DOK6: variants seen among roughly 807,000 people sequenced by gnomAD.
DOK6 encodes the protein docking protein 6, also known as downstream of tyrosine kinase 6.
DOK6 carries 22 observed loss-of-function variants against 44.0 expected under a neutral mutation model. The ratio of observed to expected loss-of-function variants is 0.50; its 90% CI spans 0.36 to 0.71. DOK6 has a LOEUF of 0.71. DOK6 is among the 30% of genes least tolerant of loss of function. DOK6 has a pLI of 0.00. For synonymous variants in DOK6, 166 were observed against 145.5 expected (o/e 1.14, Z -1.01); for missense variants, 340 against 416.4 (o/e 0.82, Z 1.60).
chr18:69,631,862 G>T (rs549971211), intron 3 of DOK6, among the ~76,000 whole-genome samples: 1 of 152,250 alleles, frequency 6.6e-6, no homozygotes, highest in South Asian at 2.1e-4. Flanking sequence ...AAATACATTT[G>T]TTTATGTAAG....
intron 3 of DOK6, among the ~76,000 whole-genome samples, chr18:69,672,190 T>C (rs555304346): frequency 1.3e-5 from 2 of 152,202 alleles, no homozygotes; most frequent in South Asian, 4.1e-4. Context: ...AGAAAGGAAA[T>C]AAATGCACTT....
At chr18:69,487,408 T>C (rs778105190) in intron 1 of DOK6, among the ~76,000 whole-genome samples, 1 of 152,110 alleles carries the variant, frequency 6.6e-6, no homozygotes, top group Non-Finnish European at 1.5e-5. Context: ...ACAGGCTTCA[T>C]TGAGGACAAC....
chr18:69,837,295 GA>G (rs1194105576), intron 7 of DOK6, among the ~76,000 whole-genome samples: 2 of 152,190 alleles, frequency 1.3e-5, no homozygotes, highest in African/African-American at 4.8e-5. Context: ...GTGGAAGGCT[GA>G]GGGGCAAGAC....
intron 1 of DOK6, among the ~76,000 whole-genome samples, chr18:69,418,448 A>C (rs1463533237): frequency 1.3e-5 from 2 of 152,122 alleles, no homozygotes; most frequent in African/African-American, 4.8e-5. Context: ...AGTAGAATTT[A>C]TATTTAAATA....
intron 1 of DOK6, among the ~76,000 whole-genome samples, chr18:69,485,710 G>C (rs17081051): frequency 0.013 from 2,045 of 152,160 alleles, 52 homozygotes; most frequent in African/African-American, 0.046. Flanking sequence ...GAAATTTTGA[G>C]AGAATGTTTT....
rs555069471 is a variant in DOK6 at position 69,846,795 on chromosome 18, T to C, written c.*5412T>C. 12 of 152,330 alleles carry C rather than the reference T, an allele frequency of 7.9e-5. No individual in the cohort carries two copies. The highest frequency in any genetic ancestry group is 2.6e-4 in the African/African-American group (11 of 41,578). 9.4% of individuals were successfully genotyped at this position (152,330 alleles called of 1,614,324 possible). On this transcript the variant is annotated 3_prime_UTR_variant, in exon 8 of 8. Coordinates refer to ENST00000382713, the MANE Select transcript of DOK6 (RefSeq NM_152721.6). The stretch of plus-strand genomic sequence containing the variant: ...CATTTTTAACAACTTTGTTGCATAA[T>C]TGATAACATCAGGGCTACATTTTTT...
intron 1 of DOK6, among the ~76,000 whole-genome samples, chr18:69,551,580 G>A (rs149781385): frequency 2.0e-5 from 3 of 152,112 alleles, no homozygotes; most frequent in African/African-American, 4.8e-5. Flanking sequence ...AAATACTAAG[G>A]TTCCTCTGCT....
At chr18:69,626,609 T>A (rs890587797) in intron 3 of DOK6, among the ~76,000 whole-genome samples, 1 of 152,162 alleles carries the variant, frequency 6.6e-6, no homozygotes, top group South Asian at 2.1e-4. Flanking sequence ...AACTTCCTGA[T>A]AAATGCTTCC....
At chr18:69,654,897 A>C (rs948090592) in intron 3 of DOK6, among the ~76,000 whole-genome samples, 1 of 152,166 alleles carries the variant, frequency 6.6e-6, no homozygotes, top group African/African-American at 2.4e-5. Flanking sequence ...TCTCTACAAA[A>C]GATACAGAAA....
At chr18:69,666,799 C>A (rs988026761) in intron 3 of DOK6, among the ~76,000 whole-genome samples, 9 of 152,186 alleles carry the variant, frequency 5.9e-5, no homozygotes, top group African/African-American at 2.2e-4. Context: ...CCCTGGGTCA[C>A]CTTTGGCAAA....
At chr18:69,430,191 A>G (rs1051356278) in intron 1 of DOK6, among the ~76,000 whole-genome samples, 33 of 152,200 alleles carry the variant, frequency 2.2e-4, no homozygotes, top group Admixed American at 7.9e-4. Flanking sequence ...TCATTTCCAA[A>G]AAGTCTTAGG....
At chr18:69,683,103 A>G (rs1986078420) in intron 4 of DOK6, among the ~76,000 whole-genome samples, 1 of 152,144 alleles carries the variant, frequency 6.6e-6, no homozygotes, top group South Asian at 2.1e-4. Flanking sequence ...ACCAAACAAA[A>G]GAGTTTTCCA....
At chr18:69,521,951 AT>A (rs1185072606) in intron 1 of DOK6, among the ~76,000 whole-genome samples, 1 of 151,998 alleles carries the variant, frequency 6.6e-6, no homozygotes, top group Non-Finnish European at 1.5e-5. Context: ...AATATAAAAA[AT>A]AAAATCTCCC....
intron 6 of DOK6, among the ~76,000 whole-genome samples, chr18:69,743,212 C>CA (rs1192635266): frequency 6.6e-6 from 1 of 152,138 alleles, no homozygotes; most frequent in East Asian, 1.9e-4. Context: ...GAATATGTTT[C>CA]AAATATTTGA....
At chr18:69,794,404 A>T (rs555120178) in intron 7 of DOK6, among the ~76,000 whole-genome samples, 2 of 152,266 alleles carry the variant, frequency 1.3e-5, no homozygotes, top group African/African-American at 4.8e-5. Flanking sequence ...TTCCACCAAA[A>T]TATGTTTTTT....
intron 1 of DOK6, among the ~76,000 whole-genome samples, chr18:69,523,779 T>C (rs1353294357): frequency 6.6e-6 from 1 of 151,966 alleles, no homozygotes; most frequent in Non-Finnish European, 1.5e-5. Context: ...AAATATTGCT[T>C]TGTCAGCACC....
chr18:69,832,035 G>A (rs952106363), intron 7 of DOK6, among the ~76,000 whole-genome samples: 1 of 152,114 alleles, frequency 6.6e-6, no homozygotes, highest in East Asian at 1.9e-4. Context: ...TTTCTTTTGC[G>A]TAATTGCTCT....
At chr18:69,492,233 A>G (rs528152959) in intron 1 of DOK6, among the ~76,000 whole-genome samples, 19 of 152,332 alleles carry the variant, frequency 1.2e-4, no homozygotes, top group Admixed American at 9.8e-4. Context: ...ACAAAGTGTC[A>G]CACAATTAAT....
chr18:69,400,901 C>G lies in DOK6; in HGVS notation c.-344C>G, dbSNP rs1275313793. On this transcript the variant is annotated 5_prime_UTR_variant, in exon 1 of 8. Coordinates refer to ENST00000382713, the MANE Select transcript of DOK6 (RefSeq NM_152721.6). ...CTCCGGCCAGCTGTGCGCCGCCGAG[C>G]GAGGCGCCAGCCCGTGGGTGCTGCC... 6.8e-6 allele frequency among the ~76,000 whole-genome samples: 1 copy of G among 147,648 alleles called. No homozygotes were observed. The highest frequency in any genetic ancestry group is 2.1e-4 in the South Asian group (1 of 4,824).
Sources: gnomAD v4.1 joint callset for allele counts (sites outside exome capture counted in the v4.1 genomes callset) on GRCh38, gnomAD v4.1.1 for gene constraint, MANE v1.5 for transcripts, NCBI Gene and HGNC (gene_info 2026-07-23, HGNC 2026-07-21) for gene names.